The following SPTLC3 variants were observed in gnomAD, a reference collection of about 807,000 sequenced individuals.
SPTLC3 encodes serine palmitoyltransferase 3.
In SPTLC3, 36 loss-of-function variants were observed where a neutral mutation model predicts 59.3. The observed-to-expected ratio is 0.61, with a 90% CI of 0.47 to 0.80. SPTLC3 has a LOEUF of 0.80. Ranked by LOEUF, SPTLC3 falls within the 30% of genes least tolerant of loss-of-function variation. The probability of loss-of-function intolerance (pLI) is 0.00; values close to 1 mark genes in which losing one functional copy is unlikely to be tolerated. For synonymous variants in SPTLC3, 257 were observed against 240.8 expected (o/e 1.07, Z -0.62); for missense variants, 625 against 685.1 (o/e 0.91, Z 0.98).
chr20:13,083,256 C>T (rs1988900452), intron 4 of SPTLC3, among the ~76,000 whole-genome samples: 1 of 152,094 alleles, frequency 6.6e-6, no homozygotes, highest in East Asian at 1.9e-4. Context: ...TATTATCATC[C>T]TTCAGGGTAA....
intron 1 of SPTLC3, among the ~76,000 whole-genome samples, chr20:13,033,886 T>G (rs968184605): frequency 2.6e-5 from 4 of 152,090 alleles, no homozygotes; most frequent in African/African-American, 9.7e-5. Context: ...AGCTGTGTCT[T>G]AAGGCAGGCA....
intron 4 of SPTLC3, among the ~76,000 whole-genome samples, chr20:13,084,369 G>A (rs1988939541): frequency 6.6e-6 from 1 of 152,168 alleles, no homozygotes; most frequent in African/African-American, 2.4e-5. Flanking sequence ...CATCCCTTGG[G>A]CTAAGAGCTG....
At chr20:13,160,962 A>C (rs2122999481) in intron 11 of SPTLC3, among the ~76,000 whole-genome samples, 1 of 152,340 alleles carries the variant, frequency 6.6e-6, no homozygotes, top group East Asian at 1.9e-4. Context: ...CAATCAGTGG[A>C]GTGACACAAT....
Position 13,049,150 on chromosome 20 carries a change from T to C in SPTLC3, c.303+20T>C. Reference sequence around the variant, plus strand: ...CAAAAAGTACGTATGCGCACCTCCCTGGATCTTTGTCAATGCCTACTCCTC... The same window carrying C: ...CAAAAAGTACGTATGCGCACCTCCCCGGATCTTTGTCAATGCCTACTCCTC... On this transcript the variant is annotated intron_variant, in intron 2 of 11. Transcript: ENST00000399002. 1 of 1,610,428 alleles carries C rather than the reference T, an allele frequency of 6.2e-7. No individual in the cohort carries two copies. The highest frequency in any genetic ancestry group is 1.1e-5 in the South Asian group (1 of 90,634).
At chr20:13,044,968 T>A (rs1258538844) in intron 1 of SPTLC3, among the ~76,000 whole-genome samples, 1 of 150,146 alleles carries the variant, frequency 6.7e-6, no homozygotes, top group Non-Finnish European at 1.5e-5. Flanking sequence ...CACATTTTGC[T>A]CTACATTATG....
At chr20:13,128,437 C>A (rs2038043623) in intron 9 of SPTLC3, among the ~76,000 whole-genome samples, 1 of 152,166 alleles carries the variant, frequency 6.6e-6, no homozygotes, top group Admixed American at 6.5e-5. Flanking sequence ...AGTGCTTGTC[C>A]TTGAAGACAG....
At chr20:13,089,309 T>A (rs1286510445) in intron 4 of SPTLC3, among the ~76,000 whole-genome samples, 1 of 152,230 alleles carries the variant, frequency 6.6e-6, no homozygotes, top group Non-Finnish European at 1.5e-5. Flanking sequence ...TGTACATTTA[T>A]CTGTTATGTT....
chr20:13,058,738 TG>T (rs1251269868), intron 2 of SPTLC3, among the ~76,000 whole-genome samples: 3 of 152,190 alleles, frequency 2.0e-5, no homozygotes, highest in Non-Finnish European at 4.4e-5. Flanking sequence ...TCAATGGTTT[TG>T]GGTGGGGCCA....
At chr20:13,149,858 A>G (rs566374607) in intron 9 of SPTLC3, among the ~76,000 whole-genome samples, 28 of 152,352 alleles carry the variant, frequency 1.8e-4, no homozygotes, top group Admixed American at 1.1e-3. Context: ...TGATAGATGA[A>G]TCTTTATAGG....
intron 11 of SPTLC3, among the ~76,000 whole-genome samples, chr20:13,162,020 C>T (rs2038904668): frequency 6.6e-6 from 1 of 152,160 alleles, no homozygotes; most frequent in African/African-American, 2.4e-5. Flanking sequence ...CCCAGATTCT[C>T]TAAAATGAGT....
intron 4 of SPTLC3, among the ~76,000 whole-genome samples, chr20:13,074,845 T>C (rs1988585150): frequency 6.6e-6 from 1 of 152,198 alleles, no homozygotes; most frequent in South Asian, 2.1e-4. Context: ...TGTATTTGTT[T>C]ATGGCCTGTC....
chr20:13,159,893 G>GAA, intron 10 of SPTLC3, 110 bp from the exon 11 acceptor site: 1 of 1,365,552 alleles, frequency 7.3e-7, no homozygotes, highest in Non-Finnish European at 9.7e-7. Flanking sequence ...TCATAAAAAA[G>GAA]AAAAAAGAAA....
intron 1 of SPTLC3, among the ~76,000 whole-genome samples, chr20:13,028,488 T>C (rs181659822): frequency 6.0e-4 from 91 of 152,306 alleles, no homozygotes; most frequent in African/African-American, 2.0e-3. Context: ...CTAAAAGATA[T>C]TATGGACATG....
At chr20:13,100,801 A>T (rs73898438) in intron 6 of SPTLC3, among the ~76,000 whole-genome samples, 8,259 of 152,330 alleles carry the variant, frequency 0.054, 308 homozygotes, top group African/African-American at 0.089. Context: ...ACTAATCCTC[A>T]AAGTGATTAT....
intron 8 of SPTLC3, among the ~76,000 whole-genome samples, chr20:13,118,018 T>G (rs79095837): frequency 6.6e-6 from 1 of 152,092 alleles, no homozygotes; most frequent in Non-Finnish European, 1.5e-5. Context: ...CTCTGTTAAG[T>G]AGTATCTAGG....
intron 1 of SPTLC3, among the ~76,000 whole-genome samples, chr20:13,037,247 C>T (rs1986776863): frequency 6.6e-6 from 1 of 152,134 alleles, no homozygotes; most frequent in Non-Finnish European, 1.5e-5. Flanking sequence ...TCTTCATGCC[C>T]ATGTCTAAAC....
At chr20:13,138,421 A>G (rs918862092) in intron 9 of SPTLC3, among the ~76,000 whole-genome samples, 6 of 152,082 alleles carry the variant, frequency 3.9e-5, no homozygotes, top group African/African-American at 1.4e-4. Flanking sequence ...CCCAGTCAGA[A>G]AATTATTCTT....
At chr20:13,164,210 G>C (rs1018190910) in intron 11 of SPTLC3, 1 of 373,272 alleles carries the variant, frequency 2.7e-6, no homozygotes, top group African/African-American at 2.2e-5. Flanking sequence ...AGTTGAAACA[G>C]ACAAGTTCTC....
intron 1 of SPTLC3, among the ~76,000 whole-genome samples, chr20:13,019,267 C>T (rs1985737929): frequency 6.6e-6 from 1 of 152,146 alleles, no homozygotes; most frequent in South Asian, 2.1e-4. Flanking sequence ...AAGGAGGTCT[C>T]ATGATTTCTA....
Sources: gnomAD v4.1 joint callset for allele counts (sites outside exome capture counted in the v4.1 genomes callset) on GRCh38, gnomAD v4.1.1 for gene constraint, MANE v1.5 for transcripts, NCBI Gene and HGNC (gene_info 2026-07-23, HGNC 2026-07-21) for gene names.